The following ITGA2 variants were observed in gnomAD, a reference collection of about 807,000 sequenced individuals.
The protein encoded by ITGA2 is integrin subunit alpha 2, also known as integrin alpha-2.
A neutral mutation model predicts 146.3 loss-of-function variants in ITGA2; 101 were observed. The observed-to-expected ratio is 0.69, with a 90% confidence interval of 0.59 to 0.81. The LOEUF is 0.81. ITGA2 is among the 40% of genes least tolerant of loss of function. The probability of loss-of-function intolerance (pLI) is 0.00; values close to 1 mark genes in which losing one functional copy is unlikely to be tolerated. For missense variants in ITGA2, 1,281 were observed against 1,402.7 expected, an observed-to-expected ratio of 0.91 and a Z score of 1.39; for synonymous variants, 477 against 487.1, an observed-to-expected ratio of 0.98 and a Z score of 0.27.
At chr5:53,042,048 T>C in intron 2 of ITGA2, 64 bp from the exon 3 acceptor site, 1 of 951,212 alleles carries the variant, frequency 1.1e-6, no homozygotes, top group Non-Finnish European at 1.7e-6. Flanking sequence ...CTGTTTGTGA[T>C]CAGGTTTATC....
In ITGA2 at chr5:53,027,790, C is replaced by T. The variant is rs148531690; in HGVS notation, c.185+922C>T. On this transcript the variant is annotated intron_variant, in intron 2 of 29. Transcript: ENST00000296585. ...TGTTGTTGGCTTATCAAATAAGAACCGTAATGTATGGCCAAGTGCAGTGGC... is the reference window on the plus strand; with the variant it reads ...TGTTGTTGGCTTATCAAATAAGAACTGTAATGTATGGCCAAGTGCAGTGGC... 4.4e-3 allele frequency among the ~76,000 whole-genome samples: 668 copies of T among 152,228 alleles called. 2 individuals carry two copies. The highest frequency in any genetic ancestry group is 0.027 in the South Asian group (130 of 4,822).
At chr5:53,051,158 CTT>C (rs1298221889) in intron 6 of ITGA2, among the ~76,000 whole-genome samples, 3 of 152,216 alleles carry the variant, frequency 2.0e-5, no homozygotes, top group South Asian at 4.2e-4. Context: ...AAATATTACT[CTT>C]GGGAATCAAA....
At chr5:53,003,257 A>T (rs1741676725) in intron 1 of ITGA2, among the ~76,000 whole-genome samples, 1 of 152,082 alleles carries the variant, frequency 6.6e-6, no homozygotes, top group Non-Finnish European at 1.5e-5. Context: ...ATGGGTCAGA[A>T]CCCTTTAAGG....
At chr5:53,076,720 G>T (rs1745680138) in intron 23 of ITGA2, among the ~76,000 whole-genome samples, 1 of 151,974 alleles carries the variant, frequency 6.6e-6, no homozygotes, top group Non-Finnish European at 1.5e-5. Context: ...ATAAATATAA[G>T]ATTGAAATGA....
chr5:53,016,554 CTA>C (rs1704674751), intron 1 of ITGA2, among the ~76,000 whole-genome samples: 1 of 152,120 alleles, frequency 6.6e-6, no homozygotes, highest in South Asian at 2.1e-4. Flanking sequence ...AATCCGATGA[CTA>C]TGTGTTTTGG....
Position 53,066,111 on chromosome 5 carries a change from G to T in ITGA2, c.1943+134G>T, listed in dbSNP as rs1745139216. 6.9e-6 allele frequency: 6 copies of T among 871,140 alleles called. No individual in the cohort carries two copies. In the East Asian group the frequency reaches 1.5e-4, roughly 22 times the overall value. The allele number at this position is 871,140 out of a possible 1,614,324, so 54.0% of individuals were successfully genotyped here. On this transcript the variant is annotated intron_variant, in intron 15 of 29. Coordinates refer to ENST00000296585, the MANE Select transcript of ITGA2 (RefSeq NM_002203.4). ...ATAGGGAATCGATGTATCATAGTTT[G>T]CACAAAGGAATAAATGTGTTTTTCC...
At chr5:53,014,459 A>T (rs186813776) in intron 1 of ITGA2, among the ~76,000 whole-genome samples, 113 of 152,266 alleles carry the variant, frequency 7.4e-4, no homozygotes, top group Non-Finnish European at 1.1e-3. Context: ...CTACTTGATC[A>T]TGGTGGATTA....
chr5:53,037,492 G>T (rs10471828), intron 2 of ITGA2, among the ~76,000 whole-genome samples: 1 of 152,262 alleles, frequency 6.6e-6, no homozygotes, highest in East Asian at 1.9e-4. Flanking sequence ...CTTCCTGCAC[G>T]TAAAATTTCA....
At chr5:53,055,513 C>G in intron 7 of ITGA2, 25 bp from the exon 8 acceptor site, 1 of 1,610,362 alleles carries the variant, frequency 6.2e-7, no homozygotes, top group Non-Finnish European at 8.5e-7. Flanking sequence ...GATAGCAAGT[C>G]TTTATTTAAT....
chr5:52,990,838 GCCA>G (rs916181150), intron 1 of ITGA2, among the ~76,000 whole-genome samples: 1 of 152,062 alleles, frequency 6.6e-6, no homozygotes, highest in Non-Finnish European at 1.5e-5. Context: ...GTTTTGAGGG[GCCA>G]CCAACCCTAA....
intron 1 of ITGA2, among the ~76,000 whole-genome samples, chr5:53,003,793 G>A (rs1035082489): frequency 2.0e-5 from 3 of 151,974 alleles, no homozygotes; most frequent in African/African-American, 7.3e-5. Context: ...AATGGTCCTC[G>A]ACCATTCATT....
chr5:53,087,138 G>A, intron 28 of ITGA2, 97 bp downstream of exon 28: 3 of 825,284 alleles, frequency 3.6e-6, no homozygotes, highest in Non-Finnish European at 6.2e-6. Flanking sequence ...CTACATGTAT[G>A]TAGAAGTATC....
At chr5:53,049,832 TC>T (rs1341024294) in intron 6 of ITGA2, among the ~76,000 whole-genome samples, 9 of 151,474 alleles carry the variant, frequency 5.9e-5, no homozygotes, top group African/African-American at 2.2e-4. Context: ...TACTCTAATG[TC>T]CAACATCTAA....
At chr5:53,018,648 G>A (rs555769564) in intron 1 of ITGA2, among the ~76,000 whole-genome samples, 31 of 152,024 alleles carry the variant, frequency 2.0e-4, no homozygotes, top group South Asian at 2.1e-4. Flanking sequence ...CTTGGCTCCC[G>A]TCTTGGTATA....
chr5:53,015,984 C>T (rs1008045981), intron 1 of ITGA2, among the ~76,000 whole-genome samples: 1 of 152,166 alleles, frequency 6.6e-6, no homozygotes, highest in African/African-American at 2.4e-5. Context: ...GGTGTCATCA[C>T]ATGTGAGAAG....
chr5:52,998,923 C>A (rs1741431934), intron 1 of ITGA2, among the ~76,000 whole-genome samples: 1 of 152,136 alleles, frequency 6.6e-6, no homozygotes, highest in African/African-American at 2.4e-5. Flanking sequence ...AAAAATAATT[C>A]TATTTGTAAG....
At chr5:53,044,535 C>G (rs1743975441) in intron 3 of ITGA2, among the ~76,000 whole-genome samples, 1 of 151,648 alleles carries the variant, frequency 6.6e-6, no homozygotes, top group Admixed American at 6.6e-5. Flanking sequence ...TTATATGACT[C>G]GTCTAATTTC....
chr5:53,065,229 T>C lies in ITGA2; in HGVS notation c.1806+114T>C, dbSNP rs995400631. On this transcript the variant is annotated intron_variant, in intron 14 of 29. Coordinates refer to ENST00000296585, the MANE Select transcript of ITGA2 (RefSeq NM_002203.4). ...CCGCCTTATTTTGTAACTTCATTCT[T>C]TCACTCAGCAAATATAAAGTGAGCC... 20 of 1,047,700 alleles carry C rather than the reference T, an allele frequency of 1.9e-5. No homozygotes were observed. The African/African-American group carries it at 2.5e-4, about 13-fold the overall frequency. The allele number at this position is 1,047,700 out of a possible 1,614,324, so 64.9% of individuals were successfully genotyped here. A position where few individuals can be genotyped will look rare whatever the true frequency, so the allele number is the denominator to read the frequency against.
chr5:53,003,585 C>T (rs1401885752), intron 1 of ITGA2, among the ~76,000 whole-genome samples: 1 of 152,096 alleles, frequency 6.6e-6, no homozygotes, highest in Non-Finnish European at 1.5e-5. Context: ...CAAAGGCAAC[C>T]ATCCCAAAAG....
Sources: gnomAD v4.1 joint callset for allele counts (sites outside exome capture counted in the v4.1 genomes callset) on GRCh38, gnomAD v4.1.1 for gene constraint, MANE v1.5 for transcripts, NCBI Gene and HGNC (gene_info 2026-07-23, HGNC 2026-07-21) for gene names.